PIWIL4: variants seen among roughly 807,000 people sequenced by gnomAD.
PIWIL4 encodes piwi like RNA-mediated gene silencing 4.
Under a neutral mutation model 100.9 loss-of-function variants are expected in PIWIL4, and 50 were observed. The ratio of observed to expected loss-of-function variants is 0.50; its 90% CI spans 0.39 to 0.63. The LOEUF is 0.63. Among genes scored for constraint, PIWIL4 ranks in the 20% least tolerant of loss-of-function variants. The pLI is 0.00. For synonymous variants in PIWIL4, 342 were observed against 367.5 expected (o/e 0.93, Z 0.79); for missense variants, 887 against 1,043.3 (o/e 0.85, Z 2.06).
At chr11:94,603,298 G>C (rs1337502412) in intron 12 of PIWIL4, among the ~76,000 whole-genome samples, 1 of 152,108 alleles carries the variant, frequency 6.6e-6, no homozygotes, top group Admixed American at 6.5e-5. Flanking sequence ...AAGCCGCTGG[G>C]CATTGGGACA....
At chr11:94,614,674 T>A (rs764785465) in intron 15 of PIWIL4, among the ~76,000 whole-genome samples, 1 of 152,222 alleles carries the variant, frequency 6.6e-6, no homozygotes, top group Non-Finnish European at 1.5e-5. Context: ...GAATCAGTCA[T>A]TTCTTCCAGT....
intron 13 of PIWIL4, 51 bp downstream of exon 13, chr11:94,604,107 C>CT (rs1348276781): frequency 1.6e-6 from 2 of 1,229,560 alleles, no homozygotes; most frequent in East Asian, 5.0e-5. Context: ...TTTAGTTCTG[C>CT]TTTATATCTA....
At chr11:94,603,463 G>A (rs1406843672) in intron 12 of PIWIL4, among the ~76,000 whole-genome samples, 6 of 152,162 alleles carry the variant, frequency 3.9e-5, no homozygotes, top group African/African-American at 2.4e-5. Context: ...GCTGATTAAG[G>A]CTAGACATTC....
In PIWIL4 at chr11:94,608,623, A is replaced by G. The variant is rs1467936875; in HGVS notation, c.1880A>G (p.Asp627Gly). 20 of 1,614,048 alleles carry G rather than the reference A, an allele frequency of 1.2e-5. No homozygotes were observed. Among genetic ancestry groups the G allele is most frequent in the Non-Finnish European group, 1.7e-5 (20 of 1,180,012 alleles). Residue 627 changes from aspartate to glycine, a missense_variant, in exon 15 of 20, where the codon GAT becomes GGT. Asp to Gly is a moderately conservative substitution (Grantham distance 94). This residue lies in a region of PIWIL4 where 741 missense variants were observed against 930.0 expected (regional missense o/e 0.80). Transcript: ENST00000299001. ...LMVVGIDVCK[D>G]ALSKDVMVVG... ...GTGGTCGGTATTGATGTCTGTAAAGATGCACTCAGCAAGGACGTGATGGTT... is the reference window on the plus strand; with the variant it reads ...GTGGTCGGTATTGATGTCTGTAAAGGTGCACTCAGCAAGGACGTGATGGTT...
At chr11:94,568,650 C>T in intron 1 of PIWIL4, 80 bp from the exon 2 acceptor site, 2 of 1,101,670 alleles carry the variant, frequency 1.8e-6, no homozygotes, top group Non-Finnish European at 1.4e-6. Flanking sequence ...ATCTAAAGAC[C>T]TGACACTGTT....
intron 15 of PIWIL4, among the ~76,000 whole-genome samples, chr11:94,615,198 CTTG>C (rs1340128008): frequency 4.6e-5 from 7 of 152,130 alleles, no homozygotes; most frequent in Admixed American, 3.3e-4. Flanking sequence ...TGCTGATAAT[CTTG>C]TTGTTCTGGT....
At position 94,595,420 on chromosome 11, in the gene PIWIL4, T is replaced by A; in HGVS notation, c.1262T>A (p.Ile421Asn). 6.2e-7 allele frequency: 1 copy of A among 1,612,518 alleles called. No individual in the cohort carries two copies. The highest frequency in any genetic ancestry group is 8.5e-7 in the Non-Finnish European group (1 of 1,179,046). Residue 421 changes from isoleucine to asparagine, a missense_variant, in exon 10 of 20, where the codon ATC becomes AAC. Physicochemically the swap from Ile to Asn is moderately radical, Grantham distance 149 (BLOSUM62 -3). Around this residue, in one of 2 missense-constraint regions of PIWIL4, gnomAD observed 741 missense variants for 930.0 expected, o/e 0.80. Coordinates refer to ENST00000299001, the MANE Select transcript of PIWIL4 (RefSeq NM_152431.3). ...QQRLARLVDNIQRNTNARFEL... is the reference protein window; with the variant it reads ...QQRLARLVDNNQRNTNARFEL... Reference sequence around the variant, plus strand: ...CGCCTGGCCAGGCTTGTGGACAACATCCAGAGGTACTGGATCACCGCATGC... The same window carrying A: ...CGCCTGGCCAGGCTTGTGGACAACAACCAGAGGTACTGGATCACCGCATGC...
At chr11:94,567,802 C>G (rs899759393) in intron 1 of PIWIL4, 197 bp downstream of exon 1, 2 of 1,211,818 alleles carry the variant, frequency 1.7e-6, no homozygotes, top group Non-Finnish European at 2.1e-6. Context: ...AAGATATTAA[C>G]GTAGGTATAT....
intron 2 of PIWIL4, among the ~76,000 whole-genome samples, chr11:94,574,403 T>A (rs935332630): frequency 6.6e-6 from 1 of 152,212 alleles, no homozygotes; most frequent in African/African-American, 2.4e-5. Context: ...AGAGCTGCCC[T>A]CCCTAAATAG....
chr11:94,578,466 A>ATT (rs1948270839), intron 4 of PIWIL4, among the ~76,000 whole-genome samples: 1 of 151,890 alleles, frequency 6.6e-6, no homozygotes, highest in African/African-American at 2.4e-5. Context: ...AACAAGATGA[A>ATT]TTTTTTTTCC....
intron 4 of PIWIL4, among the ~76,000 whole-genome samples, chr11:94,578,855 T>C (rs1948278216): frequency 6.6e-6 from 1 of 152,232 alleles, no homozygotes; most frequent in South Asian, 2.1e-4. Flanking sequence ...TATATACTTA[T>C]ATATTTAAGA....
chr11:94,570,613 G>A (rs538402643), intron 2 of PIWIL4, among the ~76,000 whole-genome samples: 4 of 152,224 alleles, frequency 2.6e-5, no homozygotes, highest in South Asian at 2.1e-4. Flanking sequence ...TAGCCAGGCC[G>A]GGCGTGATGG....
intron 13 of PIWIL4, among the ~76,000 whole-genome samples, chr11:94,604,721 G>A (rs1591798579): frequency 6.6e-6 from 1 of 152,140 alleles, no homozygotes; most frequent in Non-Finnish European, 1.5e-5. Context: ...AGCACCCCCA[G>A]GCTATTGTAG....
At chr11:94,619,150 C>T (rs573368418) in intron 17 of PIWIL4, among the ~76,000 whole-genome samples, 5 of 152,210 alleles carry the variant, frequency 3.3e-5, no homozygotes, top group East Asian at 1.9e-4. Flanking sequence ...AATGAAACTC[C>T]GCAGTGATCC....
intron 17 of PIWIL4, 128 bp downstream of exon 17, chr11:94,618,235 A>T (rs1313988770): frequency 1.1e-6 from 1 of 886,652 alleles, no homozygotes; most frequent in Non-Finnish European, 1.6e-6. Flanking sequence ...TTTCTGTATC[A>T]TGCCAGTAGA....
At chr11:94,581,568 T>C (rs79454530) in intron 4 of PIWIL4, among the ~76,000 whole-genome samples, 2,134 of 152,200 alleles carry the variant, frequency 0.014, 43 homozygotes, top group African/African-American at 0.049. Context: ...ACTGAAGACG[T>C]TGGAGAGCAT....
intron 3 of PIWIL4, 140 bp from the exon 4 acceptor site, chr11:94,577,138 T>C: frequency 1.5e-6 from 1 of 669,560 alleles, no homozygotes; most frequent in Non-Finnish European, 2.5e-6. Flanking sequence ...AGTTTTAGGA[T>C]TTATCCTGTG....
At chr11:94,570,825 G>T (rs36053944) in intron 2 of PIWIL4, among the ~76,000 whole-genome samples, 3,455 of 152,254 alleles carry the variant, frequency 0.023, 114 homozygotes, top group African/African-American at 0.071. Context: ...CCGGGAAGTG[G>T]CGGTTGCAGT....
chr11:94,575,275 C>T (rs116889521), intron 3 of PIWIL4, 145 bp downstream of exon 3: 169 of 775,922 alleles, frequency 2.2e-4, no homozygotes, highest in Admixed American at 4.4e-4. Context: ...CACTGTTAGA[C>T]GCTTTAATTT....
Sources: gnomAD v4.1 joint callset for allele counts (sites outside exome capture counted in the v4.1 genomes callset) on GRCh38, gnomAD v4.1.1 for gene constraint, gnomAD v4.1.1 regional missense constraint, MANE v1.5 for transcripts, NCBI Gene and HGNC (gene_info 2026-07-23, HGNC 2026-07-21) for gene names.